Variants in MTHFD2L observed in about 807,000 individuals in gnomAD.
The protein encoded by MTHFD2L is methylenetetrahydrofolate dehydrogenase (NADP+ dependent) 2 like.
MTHFD2L carries 29 observed loss-of-function variants against 34.9 expected under a neutral mutation model. The ratio of observed to expected loss-of-function variants is 0.83; its 90% CI spans 0.62 to 1.13. The LOEUF is 1.13. MTHFD2L is among the 50% of genes most tolerant of loss of function. The pLI is 0.00. For synonymous variants in MTHFD2L, 167 were observed against 155.7 expected, an observed-to-expected ratio of 1.07 and a Z score of -0.54; for missense variants, 481 against 446.5, an observed-to-expected ratio of 1.08 and a Z score of -0.70.
At chr4:74,157,954 C>CT (rs1339255552), upstream of MTHFD2L, 20 of 940,070 alleles carry the variant, frequency 2.1e-5, no homozygotes, top group South Asian at 2.1e-4. Flanking sequence ...ACCCGGCACT[C>CT]TGTCAGTTCC....
intron 6 of MTHFD2L, among the ~76,000 whole-genome samples, chr4:74,229,990 C>T (rs1017962436): frequency 6.6e-6 from 1 of 152,140 alleles, no homozygotes; most frequent in African/African-American, 2.4e-5. Flanking sequence ...AGAACAATAT[C>T]TAACACATAG....
intron 1 of MTHFD2L, among the ~76,000 whole-genome samples, chr4:74,137,410 A>C (rs1401844217): frequency 6.6e-6 from 1 of 152,188 alleles, no homozygotes; most frequent in African/African-American, 2.4e-5. Context: ...TTAAAACCAC[A>C]ATGAGATATC....
intron 5 of MTHFD2L, among the ~76,000 whole-genome samples, 173 bp from the exon 6 acceptor site, chr4:74,225,129 A>G (rs1278991273): frequency 6.6e-6 from 1 of 152,214 alleles, no homozygotes; most frequent in Non-Finnish European, 1.5e-5. Flanking sequence ...TGAAGGGTAC[A>G]ATATTTTGGT....
chr4:74,244,906 A>G (rs1375752159), intron 6 of MTHFD2L, among the ~76,000 whole-genome samples: 4 of 152,164 alleles, frequency 2.6e-5, no homozygotes, highest in Non-Finnish European at 5.9e-5. Flanking sequence ...TTAAGAATCT[A>G]GTTGTTGGCC....
intron 6 of MTHFD2L, among the ~76,000 whole-genome samples, chr4:74,269,478 G>GT (rs1745697145): frequency 1.3e-5 from 2 of 151,832 alleles, no homozygotes; most frequent in Non-Finnish European, 2.9e-5. Flanking sequence ...ATCATAATGG[G>GT]AGTTTACAGC....
At chr4:74,221,984 C>T (rs529386696) in intron 5 of MTHFD2L, among the ~76,000 whole-genome samples, 45 of 151,750 alleles carry the variant, frequency 3.0e-4, no homozygotes, top group Non-Finnish European at 5.6e-4. Flanking sequence ...CTTTTGTCTC[C>T]GACCTGCTAT....
At chr4:74,259,221 A>G (rs1281881474) in intron 6 of MTHFD2L, among the ~76,000 whole-genome samples, 2 of 152,184 alleles carry the variant, frequency 1.3e-5, no homozygotes, top group African/African-American at 4.8e-5. Context: ...CCAAGCCTAT[A>G]TTACAGAAGT....
At chr4:74,173,646 A>G (rs1040977013) in intron 1 of MTHFD2L, among the ~76,000 whole-genome samples, 2 of 152,182 alleles carry the variant, frequency 1.3e-5, no homozygotes, top group Non-Finnish European at 2.9e-5. Context: ...TTAGGGTCAC[A>G]AGATTGTGGG....
intron 6 of MTHFD2L, among the ~76,000 whole-genome samples, chr4:74,242,723 C>T (rs191152129): frequency 1.3e-5 from 2 of 152,156 alleles, no homozygotes; most frequent in East Asian, 3.8e-4. Flanking sequence ...TGCTTTATAT[C>T]AAGTGTAAGT....
intron 5 of MTHFD2L, among the ~76,000 whole-genome samples, chr4:74,211,058 C>T (rs1736227297): frequency 6.6e-6 from 1 of 152,148 alleles, no homozygotes; most frequent in Admixed American, 6.6e-5. Context: ...GCTGAAGTTG[C>T]TCATCAGCTT....
intron 7 of MTHFD2L, among the ~76,000 whole-genome samples, chr4:74,291,414 T>C (rs1748945486): frequency 1.3e-5 from 2 of 152,158 alleles, no homozygotes; most frequent in Non-Finnish European, 2.9e-5. Context: ...ACCAGTGGTA[T>C]CATTCTTACA....
At chr4:74,268,275 T>A (rs1745556191) in intron 6 of MTHFD2L, 1 of 982,856 alleles carries the variant, frequency 1.0e-6, no homozygotes, top group Non-Finnish European at 1.2e-6. Flanking sequence ...AAAGTTTTTC[T>A]AATCTAGAAA....
chr4:74,259,059 A>G (rs930534657), intron 6 of MTHFD2L, among the ~76,000 whole-genome samples: 9 of 152,340 alleles, frequency 5.9e-5, no homozygotes, highest in African/African-American at 1.9e-4. Context: ...CATTTGAGCC[A>G]TGACCCACTA....
At chr4:74,238,385 T>C (rs1299826287) in intron 6 of MTHFD2L, among the ~76,000 whole-genome samples, 2 of 152,094 alleles carry the variant, frequency 1.3e-5, no homozygotes, top group African/African-American at 4.8e-5. Context: ...ACTGAAACCA[T>C]AAAAACCCTA....
intron 6 of MTHFD2L, among the ~76,000 whole-genome samples, chr4:74,273,699 GA>G (rs1280367755): frequency 6.6e-6 from 1 of 152,068 alleles, no homozygotes; most frequent in African/African-American, 2.4e-5. Context: ...CATGTACAAA[GA>G]AAGAGTCTGT....
At chr4:74,124,618 T>A (rs1292725107), upstream of MTHFD2L, among the ~76,000 whole-genome samples, 1 of 152,034 alleles carries the variant, frequency 6.6e-6, no homozygotes, top group Non-Finnish European at 1.5e-5. Flanking sequence ...CGTTAAGACA[T>A]TTCTCATGGT....
chr4:74,116,787 C>T (rs1232412967), intron 2 of MTHFD2L, among the ~76,000 whole-genome samples: 1 of 152,192 alleles, frequency 6.6e-6, no homozygotes, highest in Non-Finnish European at 1.5e-5. Flanking sequence ...GAAAAGTTTT[C>T]CTTGGCTTTG....
At chr4:74,209,187 AAAAAC>A (rs1362492524) in intron 5 of MTHFD2L, among the ~76,000 whole-genome samples, 1 of 152,162 alleles carries the variant, frequency 6.6e-6, no homozygotes, top group African/African-American at 2.4e-5. Context: ...TAAAAAACAA[AAAAAC>A]AAAACAAAAC....
At chr4:74,163,187 C>T (rs1474607263) in intron 1 of MTHFD2L, among the ~76,000 whole-genome samples, 1 of 152,036 alleles carries the variant, frequency 6.6e-6, no homozygotes, top group Non-Finnish European at 1.5e-5. Context: ...AGGCAGATAC[C>T]ACAAAACATC....
Sources: gnomAD v4.1 joint callset for allele counts (sites outside exome capture counted in the v4.1 genomes callset) on GRCh38, gnomAD v4.1.1 for gene constraint, MANE v1.5 for transcripts, NCBI Gene and HGNC (gene_info 2026-07-23, HGNC 2026-07-21) for gene names.